The following GAD1 variants were observed in gnomAD, a reference collection of about 807,000 sequenced individuals.
The protein encoded by GAD1 is glutamate decarboxylase 1.
In GAD1, 35 loss-of-function variants were observed where a neutral mutation model predicts 75.2. That is an observed-to-expected ratio of 0.47 (90% CI 0.36 to 0.62). The LOEUF (loss-of-function observed/expected upper bound fraction) is 0.62. Ranked by LOEUF, GAD1 falls within the 20% of genes least tolerant of loss-of-function variation. The pLI, the probability that GAD1 is intolerant of heterozygous loss-of-function variation, is 0.00. For synonymous variants in GAD1, 257 were observed against 271.9 expected (o/e 0.95, Z 0.54); for missense variants, 490 against 758.5 (o/e 0.65, Z 4.16).
Position 170,857,789 on chromosome 2 carries a change from A to T in GAD1, c.1521+664A>T, listed in dbSNP as rs558893918. Among the ~76,000 whole-genome samples the T allele has an allele frequency of 4.6e-5, 7 of 152,306 alleles. No homozygotes were observed. In the South Asian group the frequency reaches 1.4e-3, roughly 32 times the overall value. ...ATGTGCATACTGCACACAGCAAAGTATTTGTCAGTGTTTACTGAGTACCCA... is the reference window on the plus strand; with the variant it reads ...ATGTGCATACTGCACACAGCAAAGTTTTTGTCAGTGTTTACTGAGTACCCA... On this transcript the variant is annotated intron_variant, in intron 15 of 16. Coordinates refer to ENST00000358196, the MANE Select transcript of GAD1 (RefSeq NM_000817.3).
chr2:170,835,680 T>A (rs997165664), intron 5 of GAD1, among the ~76,000 whole-genome samples: 1 of 152,252 alleles, frequency 6.6e-6, no homozygotes, highest in Non-Finnish European at 1.5e-5. Context: ...AATAGTGTGA[T>A]TGCATTTATT....
intron 14 of GAD1, 109 bp downstream of exon 14, chr2:170,854,131 A>G (rs752689287): frequency 9.2e-7 from 1 of 1,083,386 alleles, no homozygotes. Flanking sequence ...TGGGGAATCA[A>G]TATCTAGATA....
Position 170,829,638 on chromosome 2 carries a change from C to T in GAD1, c.304+5C>T. 1 of 1,612,482 alleles carries T rather than the reference C, an allele frequency of 6.2e-7. No homozygotes were observed. The highest frequency in any genetic ancestry group is 8.5e-7 in the Non-Finnish European group (1 of 1,179,950). On this transcript the variant is annotated splice_donor_5th_base_variant and intron_variant, in intron 4 of 16. Transcript: ENST00000358196. ...TCTCTAATCTGTTTGCTAGAGGTAG[C>T]CCCTGCCCCACTCCCGCCCCATGCT...
chr2:170,824,378 TACACACACACACACAC>T (rs10529529), intron 3 of GAD1, among the ~76,000 whole-genome samples: 3,941 of 146,404 alleles, frequency 0.027, 149 homozygotes, highest in Admixed American at 0.11. Flanking sequence ...CCTGCCTGCC[TACACACACACACACAC>T]ACACACACAC....
chr2:170,851,389 T>C lies in GAD1; in HGVS notation c.1185-1325T>C, dbSNP rs566133494. On this transcript the variant is annotated intron_variant, in intron 12 of 16. Coordinates refer to ENST00000358196, the MANE Select transcript of GAD1 (RefSeq NM_000817.3). ...CTGACACTGATGCTTTTTAGTGAGC[T>C]AAGCACTTAGTTAACTTTCCTTGGA... Among the ~76,000 whole-genome samples the C allele has an allele frequency of 1.3e-4, 20 of 152,360 alleles. No individual in the cohort carries two copies. In the South Asian group the frequency reaches 3.7e-3, roughly 28 times the overall value.
rs751697200 is a variant in GAD1, at chr2:170,831,022, A to G, written c.377A>G (p.Asn126Ser). 3.7e-6 allele frequency: 6 copies of G among 1,614,076 alleles called. No homozygotes were observed. The highest frequency in any genetic ancestry group is 5.1e-6 in the Non-Finnish European group (6 of 1,180,040). ...FLLEVVDILLNYVRKTFDRST... is the reference protein window; with the variant it reads ...FLLEVVDILLSYVRKTFDRST... ...CTGGAAGTGGTGGACATACTCCTCA[A>G]CTATGTCCGCAAGACATTTGATCGC... is the stretch of plus-strand genomic sequence containing the variant. Residue 126 changes from asparagine (N) to serine (S), a missense_variant, in exon 5 of 17, where the codon AAC (asparagine) becomes AGC (serine). Asn to Ser is a conservative substitution (Grantham distance 46). Around this residue, in one of 3 missense-constraint regions of GAD1, gnomAD observed 165 missense variants for 216.4 expected, o/e 0.76. Transcript: ENST00000358196.
chr2:170,857,861 C>G (rs1702884799), intron 15 of GAD1, among the ~76,000 whole-genome samples: 1 of 152,074 alleles, frequency 6.6e-6, no homozygotes, highest in African/African-American at 2.4e-5. Context: ...GAGTATTGAA[C>G]AAAACAGATA....
intron 15 of GAD1, among the ~76,000 whole-genome samples, chr2:170,858,098 TACAC>T (rs1344099165): frequency 1.3e-5 from 2 of 152,232 alleles, no homozygotes; most frequent in African/African-American, 4.8e-5. Context: ...TCTGATCATT[TACAC>T]ACTACTTTAA....
chr2:170,825,913 C>T (rs561623271), intron 3 of GAD1, among the ~76,000 whole-genome samples: 14 of 152,280 alleles, frequency 9.2e-5, no homozygotes, highest in South Asian at 6.2e-4. Flanking sequence ...TCTGGGACCC[C>T]TTCTTACAGG....
At position 170,832,662 on chromosome 2, in the gene GAD1, G is replaced by GCACACACACA. The variant is rs1275912956; in HGVS notation, c.547+1471_547+1472insACACACACAC. Among the ~76,000 whole-genome samples the GCACACACACA allele has an allele frequency of 1.5e-3, 189 of 128,508 alleles. 3 individuals are homozygous for GCACACACACA. The highest frequency in any genetic ancestry group is 8.2e-3 in the South Asian group (32 of 3,918). The allele number at this position is 128,508 out of a possible 152,430, so 84.3% of individuals were successfully genotyped here. A position where few individuals can be genotyped will look rare whatever the true frequency, so the allele number is the denominator to read the frequency against. On this transcript the variant is annotated intron_variant, in intron 5 of 16. Transcript: ENST00000358196. Reference sequence around the variant, plus strand: ...GACACAGGCACACATGCGCGCGCGCGCGCACACACACACACACACACACAC... The same window carrying GCACACACACA: ...GACACAGGCACACATGCGCGCGCGCGCACACACACACGCACACACACACACACACACACAC...
rs1227738337 is a variant in GAD1 at position 170,832,759 on chromosome 2, T to C, written c.547+1567T>C. 2.0e-5 allele frequency among the ~76,000 whole-genome samples: 3 copies of C among 152,122 alleles called. No individual in the cohort carries two copies. In the East Asian group the frequency reaches 5.8e-4, roughly 29 times the overall value. On this transcript the variant is annotated intron_variant, in intron 5 of 16. Transcript: ENST00000358196. The stretch of plus-strand genomic sequence containing the variant: ...ACTTAGGACACTCTGAGTCACCAAA[T>C]TCTATTTCCAGTGGGAGTCCTTGAG...
rs749832102 is a variant in GAD1, at chr2:170,844,177, C to T, written c.751+20C>T. 7.7e-7 allele frequency: 1 copy of T among 1,300,676 alleles called. No individual in the cohort carries two copies. Among genetic ancestry groups the T allele is most frequent in the South Asian group, 1.2e-5 (1 of 84,738 alleles). The allele number at this position is 1,300,676 out of a possible 1,614,324, so 80.6% of individuals were successfully genotyped here. On this transcript the variant is annotated intron_variant, in intron 7 of 16. Transcript: ENST00000358196. ...CTCCTGGTAGGTTTCTCTTCTCTTC[C>T]TCTTCTCAAGGTTTGGGATTCTTAA... is the stretch of plus-strand genomic sequence containing the variant.
chr2:170,831,343 T>C, intron 5 of GAD1, 151 bp downstream of exon 5: 1 of 900,530 alleles, frequency 1.1e-6, no homozygotes, highest in Non-Finnish European at 1.8e-6. Flanking sequence ...AGAACAAGCT[T>C]GGGCAGTAAC....
chr2:170,822,233 G>A (rs1701906386), intron 3 of GAD1, 84 bp downstream of exon 3: 2 of 1,123,098 alleles, frequency 1.8e-6, no homozygotes, highest in Non-Finnish European at 2.6e-6. Context: ...CGCAAGCGGA[G>A]GGGGATCCGG....
intron 14 of GAD1, 131 bp downstream of exon 14, chr2:170,854,153 T>C (rs1253608625): frequency 4.2e-6 from 4 of 941,946 alleles, no homozygotes; most frequent in Non-Finnish European, 6.7e-6. Context: ...TTGAATTAAC[T>C]GTGTTTTCTT....
Position 170,852,720 on chromosome 2 carries a change from C to T in GAD1, c.1191C>T (p.Asn397=). ...TCTCATGTGCTTCTTTCAGGGCCAA[C>T]TCAGTCACCTGGAACCCTCACAAGA... The part of the protein sequence containing the change: ...RHKLNGIERA[N]SVTWNPHKMM... The change falls in exon 13 of 17, where the codon AAC becomes AAT. Residue 397 remains asparagine (N), a synonymous_variant. Coordinates refer to ENST00000358196, the MANE Select transcript of GAD1 (RefSeq NM_000817.3). 6.2e-7 allele frequency: 1 copy of T among 1,614,182 alleles called. No individual in the cohort carries two copies. The highest frequency in any genetic ancestry group is 8.5e-7 in the Non-Finnish European group (1 of 1,179,984).
At chr2:170,828,076 CTGCTG>C (rs1702068607) in intron 3 of GAD1, among the ~76,000 whole-genome samples, 1 of 31,406 alleles carries the variant, frequency 3.2e-5, no homozygotes, top group African/African-American at 1.8e-4. Context: ...TGTCCTCCCT[CTGCTG>C]TCCTCACCCC....
Position 170,829,593 on chromosome 2 carries a change from C to T in GAD1, c.264C>T (p.Phe88=). 3.1e-6 allele frequency: 5 copies of T among 1,613,782 alleles called. No individual in the cohort carries two copies. Among genetic ancestry groups the T allele is most frequent in the Non-Finnish European group, 4.2e-6 (5 of 1,180,044 alleles). The change falls in exon 4 of 17, where the codon TTC becomes TTT. Residue 88 remains phenylalanine, a synonymous_variant. Coordinates refer to ENST00000358196, the MANE Select transcript of GAD1 (RefSeq NM_000817.3). ...AAAACAGCGACCGGGATGCCCGCTT[C>T]CGGCGCACAGAGACTGACTTCTCTA... is the stretch of plus-strand genomic sequence containing the variant. ...SCENSDRDAR[F]RRTETDFSNL...
rs113381052 is a variant in GAD1 at position 170,823,168 on chromosome 2, C to T, written c.145+1019C>T. On this transcript the variant is annotated intron_variant, in intron 3 of 16. Transcript: ENST00000358196. ...GAGGCGGGGGAAGATTAACGGGCGG[C>T]TTATTAAAGAGCCATCCGTCAGCTC... is the stretch of plus-strand genomic sequence containing the variant. Among the ~76,000 whole-genome samples the T allele has an allele frequency of 9.0e-3, 1,366 of 152,268 alleles. 9 individuals carry two copies. The highest frequency in any genetic ancestry group is 0.017 in the Middle Eastern group (5 of 294).
Sources: allele counts gnomAD v4.1 joint callset (sites outside exome capture counted in the v4.1 genomes callset), GRCh38; gene constraint gnomAD v4.1.1; regional missense constraint gnomAD v4.1.1; transcripts MANE v1.5; gene names NCBI Gene and HGNC (gene_info 2026-07-23, HGNC 2026-07-21).